The following NOS1 variants were observed in gnomAD, a reference collection of about 807,000 sequenced individuals.
The protein encoded by NOS1 is NOS type I.
In NOS1, 51 loss-of-function variants were observed where a neutral mutation model predicts 164.5. The ratio of observed to expected loss-of-function variants is 0.31; its 90% CI spans 0.25 to 0.39. NOS1 has a LOEUF of 0.39. Ranked by LOEUF, NOS1 falls within the 10% of genes least tolerant of loss-of-function variation. NOS1 has a pLI of 1.00. For synonymous variants in NOS1, 719 were observed against 745.8 expected (o/e 0.96, Z 0.59); for missense variants, 1,362 against 1,885.6 (o/e 0.72, Z 5.14).
chr12:117,335,272 G>A (rs973990088), intron 1 of NOS1, among the ~76,000 whole-genome samples: 4 of 152,102 alleles, frequency 2.6e-5, no homozygotes, highest in African/African-American at 7.2e-5. Context: ...GGCATCTCAC[G>A]CCGGTCTGGG....
At chr12:117,226,874 C>A in intron 23 of NOS1, 104 bp from the exon 24 acceptor site, 1 of 847,168 alleles carries the variant, frequency 1.2e-6, no homozygotes, top group Non-Finnish European at 2.0e-6. Context: ...CCAAGTTTAT[C>A]CTTTGGAATT....
Position 117,208,280 on chromosome 12 carries a change from C to G in NOS1, c.*7029G>C. The G allele has an allele frequency of 1.6e-6, 2 of 1,288,228 alleles. No individual in the cohort carries two copies. The allele number at this position is 1,288,228 out of a possible 1,614,324, so 79.8% of individuals were successfully genotyped here. On this transcript the variant is annotated 3_prime_UTR_variant, in exon 29 of 29. Coordinates refer to ENST00000317775, the MANE Select transcript of NOS1 (RefSeq NM_000620.5). The stretch of plus-strand genomic sequence containing the variant: ...ACAGCCTGGACAACCTCGCAAAGAG[C>G]GTGGGGTGGGCGTCAGTCCTTCAAG...
At position 117,272,338 on chromosome 12, in the gene NOS1, C is replaced by T. The variant is rs41437349; in HGVS notation, c.1839+47G>A. 130 of 1,606,200 alleles carry T rather than the reference C, an allele frequency of 8.1e-5. 1 individual carries two copies. In the African/African-American group the frequency reaches 1.5e-3, roughly 19 times the overall value. On this transcript the variant is annotated intron_variant, in intron 10 of 28. Transcript: ENST00000317775. The surrounding 1 kb of genome is among the most constrained non-coding windows in gnomAD (Gnocchi z 4.3). ...GGGAAGGGGACTGCTGAGCTGGCAC[C>T]CTCTGCTATGTGCTTTTCCCCTGTG... is the stretch of plus-strand genomic sequence containing the variant.
rs899453183 is a variant in NOS1, at chr12:117,208,872, G to A, written c.*6437C>T. 64 of 602,150 alleles carry A rather than the reference G, an allele frequency of 1.1e-4. No homozygotes were observed. The highest frequency in any genetic ancestry group is 2.8e-4 in the East Asian group (2 of 7,138). The allele number at this position is 602,150 out of a possible 1,614,324, so 37.3% of individuals were successfully genotyped here. On this transcript the variant is annotated 3_prime_UTR_variant, in exon 29 of 29. Coordinates refer to ENST00000317775, the MANE Select transcript of NOS1 (RefSeq NM_000620.5). ...CGAGTAGATGGGATTACAGATGCCC[G>A]CCACCACGCCGGGCTGATTTTTGTA...
chr12:117,360,816 C>G (rs1449921058), intron 1 of NOS1, among the ~76,000 whole-genome samples: 1 of 152,212 alleles, frequency 6.6e-6, no homozygotes, highest in Non-Finnish European at 1.5e-5. Context: ...CTGGCATCCC[C>G]CAGCCCGGGC....
At chr12:117,280,625 G>T in intron 8 of NOS1, 100 bp downstream of exon 8, 1 of 1,217,134 alleles carries the variant, frequency 8.2e-7, no homozygotes, top group Non-Finnish European at 1.2e-6. Context: ...GACCCCATCA[G>T]CGGATCTCCT....
intron 10 of NOS1, among the ~76,000 whole-genome samples, chr12:117,271,045 T>C (rs766311915): frequency 1.3e-5 from 2 of 151,800 alleles, no homozygotes; most frequent in African/African-American, 2.4e-5. Flanking sequence ...TCCATTCCCC[T>C]ACCCACCCCT....
Position 117,211,143 on chromosome 12 carries a change from G to A in NOS1, c.*4166C>T, listed in dbSNP as rs1956521185. On this transcript the variant is annotated 3_prime_UTR_variant, in exon 29 of 29. Transcript: ENST00000317775. ...AGCTAATTTTTGTATTTTCTTAGTA[G>A]AGTCAGGGTTTCTACTAACTGGCTG... is the stretch of plus-strand genomic sequence containing the variant. 5 of 663,858 alleles carry A rather than the reference G, an allele frequency of 7.5e-6. No homozygotes were observed. Among genetic ancestry groups the A allele is most frequent in the Non-Finnish European group, 9.3e-6 (5 of 536,938 alleles). 41.1% of individuals were successfully genotyped at this position (663,858 alleles called of 1,614,324 possible). A position where few individuals can be genotyped will look rare whatever the true frequency, so the allele number is the denominator to read the frequency against.
At chr12:117,320,311 T>A (rs146686499) in intron 2 of NOS1, among the ~76,000 whole-genome samples, 54 of 152,250 alleles carry the variant, frequency 3.5e-4, no homozygotes, top group African/African-American at 1.2e-3. Context: ...TGTGTCTTGA[T>A]AAGAGGGCTA....
intron 11 of NOS1, among the ~76,000 whole-genome samples, chr12:117,266,021 G>A (rs1044694285): frequency 3.3e-5 from 5 of 151,038 alleles, no homozygotes; most frequent in African/African-American, 4.9e-5. Flanking sequence ...GGATGGTCTC[G>A]ATCTCCTGAC....
chr12:117,355,731 C>A lies in NOS1; in HGVS notation c.-421+5781G>T, dbSNP rs2136098101. Among the ~76,000 whole-genome samples the A allele has an allele frequency of 1.3e-5, 2 of 152,242 alleles. 1 individual carries two copies. The highest frequency in any genetic ancestry group is 1.3e-4 in the Admixed American group (2 of 15,284). On this transcript the variant is annotated intron_variant, in intron 1 of 28. Transcript: ENST00000317775. Reference sequence around the variant, plus strand: ...CTCAGACTACACCAACTGGCTAACTCTTTTTTATTTAAAAAAATTAATTAA... The same window carrying A: ...CTCAGACTACACCAACTGGCTAACTATTTTTTATTTAAAAAAATTAATTAA...
At chr12:117,285,132 C>G in intron 7 of NOS1, 109 bp downstream of exon 7, 2 of 500,354 alleles carry the variant, frequency 4.0e-6, no homozygotes, top group Non-Finnish European at 7.2e-6. Flanking sequence ...GGCCCGTGTC[C>G]CTGAGATGAG....
At chr12:117,332,977 T>C (rs1875619896) in intron 1 of NOS1, among the ~76,000 whole-genome samples, 1 of 152,138 alleles carries the variant, frequency 6.6e-6, no homozygotes, top group Admixed American at 6.5e-5. Context: ...CTCAAAGAAA[T>C]GGGGTCTGGT....
intron 2 of NOS1, among the ~76,000 whole-genome samples, chr12:117,313,300 G>A (rs533277319): frequency 2.0e-5 from 3 of 152,076 alleles, no homozygotes; most frequent in Non-Finnish European, 4.4e-5. Flanking sequence ...GGATGCTAGC[G>A]CCTGACTTTT....
rs745912428 is a variant in NOS1, at chr12:117,288,202, C to T, written c.999G>A (p.Glu333=). Residue 333 remains glutamate (E), a synonymous_variant, in exon 5 of 29, where the codon GAG becomes GAA. Coordinates refer to ENST00000317775, the MANE Select transcript of NOS1 (RefSeq NM_000620.5). The part of the protein sequence containing the change: ...LKSTLETGCT[E]YICMGSIMHP... The stretch of plus-strand genomic sequence containing the variant: ...GCATGATGGAGCCCATGCAGATGTA[C>T]TCAGTGCATCCCGTTTCCTGGAAGA... The T allele has an allele frequency of 6.2e-6, 10 of 1,613,290 alleles. No homozygotes were observed. Among genetic ancestry groups the T allele is most frequent in the South Asian group, 1.1e-5 (1 of 91,044 alleles).
intron 1 of NOS1, among the ~76,000 whole-genome samples, chr12:117,357,694 G>C (rs1876918498): frequency 6.6e-6 from 1 of 152,210 alleles, no homozygotes; most frequent in South Asian, 2.1e-4. Context: ...CAGGAATGCT[G>C]ATTCGGTAGA....
chr12:117,212,217 T>C lies in NOS1; in HGVS notation c.*3092A>G. ...GCAGTAAGTTTTGAACCAGGTACTG[T>C]AACTGGGCATTTCGTGGGCATTGTC... is the stretch of plus-strand genomic sequence containing the variant. On this transcript the variant is annotated 3_prime_UTR_variant, in exon 29 of 29. Transcript: ENST00000317775. 1.0e-6 allele frequency: 1 copy of C among 985,340 alleles called. No homozygotes were observed. Among genetic ancestry groups the C allele is most frequent in the Non-Finnish European group, 1.2e-6 (1 of 829,884 alleles). 61.0% of individuals were successfully genotyped at this position (985,340 alleles called of 1,614,324 possible).
At chr12:117,336,887 C>T (rs946482518) in intron 1 of NOS1, among the ~76,000 whole-genome samples, 6 of 152,016 alleles carry the variant, frequency 3.9e-5, no homozygotes, top group Admixed American at 3.9e-4. Context: ...GCCTCCACCT[C>T]CCAGGCTCAA....
intron 1 of NOS1, among the ~76,000 whole-genome samples, chr12:117,335,900 G>T (rs1032423656): frequency 6.6e-6 from 1 of 151,982 alleles, no homozygotes; most frequent in Non-Finnish European, 1.5e-5. Flanking sequence ...TTTTATATTT[G>T]TAGAGACAGA....
Sources: allele counts gnomAD v4.1 joint callset (sites outside exome capture counted in the v4.1 genomes callset), GRCh38; gene constraint gnomAD v4.1.1; non-coding constraint Gnocchi (gnomAD v3.1); transcripts MANE v1.5; gene names NCBI Gene and HGNC (gene_info 2026-07-23, HGNC 2026-07-21).